Variants in GABRG3 observed in about 807,000 individuals in gnomAD.
GABRG3 encodes gamma-aminobutyric acid receptor subunit gamma-3.
Under a neutral mutation model 48.8 loss-of-function variants are expected in GABRG3, and 25 were observed. The ratio of observed to expected loss-of-function variants is 0.51; its 90% CI spans 0.37 to 0.72. The LOEUF is 0.72. Ranked by LOEUF, GABRG3 falls within the 30% of genes least tolerant of loss-of-function variation. GABRG3 has a pLI of 0.00. For synonymous variants in GABRG3, 227 were observed against 217.6 expected (o/e 1.04, Z -0.38); for missense variants, 394 against 577.9 (o/e 0.68, Z 3.26).
chr15:27,137,123 A>G (rs559759928), intron 3 of GABRG3, among the ~76,000 whole-genome samples: 18 of 152,218 alleles, frequency 1.2e-4, no homozygotes, highest in Middle Eastern at 3.4e-3. Flanking sequence ...CTGGGCAGCC[A>G]CCCTGCTTGC....
intron 3 of GABRG3, among the ~76,000 whole-genome samples, chr15:27,203,559 A>G (rs1888757825): frequency 6.6e-6 from 1 of 152,202 alleles, no homozygotes; most frequent in African/African-American, 2.4e-5. Flanking sequence ...GTCTATACCC[A>G]GTAATGGGAT....
intron 5 of GABRG3, among the ~76,000 whole-genome samples, chr15:27,390,770 AG>A (rs1348405616): frequency 6.6e-6 from 1 of 152,172 alleles, no homozygotes; most frequent in African/African-American, 2.4e-5. Context: ...ACTTCTAGGA[AG>A]TCTATGGACA....
intron 3 of GABRG3, among the ~76,000 whole-genome samples, chr15:27,165,230 T>C (rs888297945): frequency 6.6e-6 from 1 of 152,170 alleles, no homozygotes; most frequent in Non-Finnish European, 1.5e-5. Context: ...CATGCCAGAG[T>C]ACCTTGTTAC....
At chr15:26,989,175 T>C (rs1171799121) in intron 2 of GABRG3, among the ~76,000 whole-genome samples, 1 of 152,186 alleles carries the variant, frequency 6.6e-6, no homozygotes, top group African/African-American at 2.4e-5. Context: ...ACCGTTAGAA[T>C]AGGTGACTGG....
chr15:27,009,486 G>C (rs1444640106), intron 2 of GABRG3, among the ~76,000 whole-genome samples: 1 of 152,206 alleles, frequency 6.6e-6, no homozygotes, highest in Non-Finnish European at 1.5e-5. Context: ...AGCCAGGTAA[G>C]GAAGAAATTT....
chr15:27,334,351 C>T (rs1024485723), intron 5 of GABRG3, among the ~76,000 whole-genome samples: 2 of 152,018 alleles, frequency 1.3e-5, no homozygotes, highest in Admixed American at 6.6e-5. Flanking sequence ...CACCGGACCT[C>T]GACATAATCT....
chr15:27,086,116 G>GTTTT (rs5811477), intron 3 of GABRG3, among the ~76,000 whole-genome samples: 2 of 139,508 alleles, frequency 1.4e-5, no homozygotes, highest in Non-Finnish European at 1.6e-5. Flanking sequence ...AGTTTTGGCA[G>GTTTT]TTTTTTTTTT....
chr15:27,291,326 C>T (rs1891787824), intron 3 of GABRG3, among the ~76,000 whole-genome samples: 1 of 152,086 alleles, frequency 6.6e-6, no homozygotes. Context: ...TTAGATATCA[C>T]TTATATTTTA....
intron 3 of GABRG3, among the ~76,000 whole-genome samples, chr15:27,320,391 G>T (rs72703805): frequency 3.3e-5 from 5 of 151,990 alleles, no homozygotes; most frequent in Non-Finnish European, 7.4e-5. Context: ...TCTGTCAAGG[G>T]TCTAGGGCTC....
chr15:27,465,360 C>T (rs796150715), intron 5 of GABRG3, among the ~76,000 whole-genome samples: 1 of 64,990 alleles, frequency 1.5e-5, no homozygotes, highest in East Asian at 8.5e-4. Context: ...AAGGTCTCTG[C>T]GTGACTAACC....
chr15:27,506,272 A>C (rs994023498), intron 6 of GABRG3, among the ~76,000 whole-genome samples: 4 of 152,216 alleles, frequency 2.6e-5, no homozygotes, highest in African/African-American at 9.6e-5. Context: ...TATATGAGAC[A>C]GTTGAATTTA....
At chr15:27,032,273 C>A (rs1436476923) in intron 3 of GABRG3, among the ~76,000 whole-genome samples, 2 of 152,172 alleles carry the variant, frequency 1.3e-5, no homozygotes, top group Non-Finnish European at 2.9e-5. Context: ...ATCTTGCAAT[C>A]TGTTTTCTGG....
intron 3 of GABRG3, among the ~76,000 whole-genome samples, chr15:27,296,436 C>CCT (rs1891986071): frequency 6.6e-6 from 1 of 151,950 alleles, no homozygotes; most frequent in Admixed American, 6.6e-5. Flanking sequence ...GAGTAACTTT[C>CCT]ATTTATTCCA....
intron 3 of GABRG3, among the ~76,000 whole-genome samples, chr15:27,043,366 C>T (rs762659104): frequency 6.6e-6 from 1 of 152,196 alleles, no homozygotes; most frequent in Non-Finnish European, 1.5e-5. Context: ...TAGGCATTGG[C>T]AGACCAGACC....
At chr15:26,973,105 C>T (rs1894876483) in intron 1 of GABRG3, among the ~76,000 whole-genome samples, 1 of 152,308 alleles carries the variant, frequency 6.6e-6, no homozygotes, top group Non-Finnish European at 1.5e-5. Context: ...CCAACTCAAA[C>T]GAGTGACCAG....
At chr15:27,388,064 GGTAA>G (rs1402158629) in intron 5 of GABRG3, among the ~76,000 whole-genome samples, 2 of 107,498 alleles carry the variant, frequency 1.9e-5, no homozygotes, top group African/African-American at 8.5e-5. Flanking sequence ...TGGGAGGGAG[GGTAA>G]GGAAGGAAGG....
intron 2 of GABRG3, among the ~76,000 whole-genome samples, chr15:27,004,099 G>A (rs143322986): frequency 0.047 from 7,033 of 148,196 alleles, 432 homozygotes; most frequent in East Asian, 0.33. Flanking sequence ...CCTCCCTCCC[G>A]GACGGGGCGG....
At chr15:27,322,368 G>T (rs142845765) in intron 3 of GABRG3, among the ~76,000 whole-genome samples, 68 of 152,200 alleles carry the variant, frequency 4.5e-4, no homozygotes, top group African/African-American at 1.5e-3. Flanking sequence ...GACAGGGGTG[G>T]GGATTCCCGC....
At chr15:27,086,469 T>C (rs1328425431) in intron 3 of GABRG3, among the ~76,000 whole-genome samples, 1 of 152,206 alleles carries the variant, frequency 6.6e-6, no homozygotes, top group Non-Finnish European at 1.5e-5. Context: ...CTGCCTCCCC[T>C]GCCAGAATGT....
Sources: allele counts gnomAD v4.1 joint callset (sites outside exome capture counted in the v4.1 genomes callset), GRCh38; gene constraint gnomAD v4.1.1; transcripts MANE v1.5; gene names NCBI Gene and HGNC (gene_info 2026-07-23, HGNC 2026-07-21).